KLRF2: variants seen among roughly 807,000 people sequenced by gnomAD.
KLRF2 encodes the protein killer cell lectin like receptor F2, also known as killer cell lectin-like receptor subfamily F member 2.
In KLRF2, 28 loss-of-function variants were observed where a neutral mutation model predicts 25.3. That is an observed-to-expected ratio of 1.11 (90% CI 0.82 to 1.52). The LOEUF is 1.52. KLRF2 is among the 40% of genes most tolerant of loss of function. KLRF2 has a pLI of 0.00. For synonymous variants in KLRF2, 73 were observed against 85.0 expected (o/e 0.86, Z 0.78); for missense variants, 265 against 245.8 (o/e 1.08, Z -0.52).
intron 3 of KLRF2, among the ~76,000 whole-genome samples, chr12:9,891,790 T>C (rs1862678887): frequency 6.6e-6 from 1 of 152,204 alleles, no homozygotes; most frequent in Non-Finnish European, 1.5e-5. Context: ...AATAACCTTC[T>C]TCAAATTATA....
At chr12:9,892,265 C>G (rs1862685225) in intron 3 of KLRF2, among the ~76,000 whole-genome samples, 2 of 152,052 alleles carry the variant, frequency 1.3e-5, no homozygotes, top group African/African-American at 4.8e-5. Flanking sequence ...ACTAAGGGAA[C>G]AGTATGAACG....
At chr12:9,888,584 G>T in intron 2 of KLRF2, 149 bp from the exon 3 acceptor site, 2 of 476,330 alleles carry the variant, frequency 4.2e-6, no homozygotes, top group South Asian at 8.9e-5. Flanking sequence ...GTTAAATCTG[G>T]GGAAGAAGAG....
At chr12:9,893,359 A>T in intron 4 of KLRF2, 70 bp from the exon 5 acceptor site, 1 of 840,288 alleles carries the variant, frequency 1.2e-6, no homozygotes, top group Non-Finnish European at 1.8e-6. Flanking sequence ...CGGCACAGAG[A>T]CTTACACTAT....
At chr12:9,889,091 T>G (rs1862640805) in intron 3 of KLRF2, among the ~76,000 whole-genome samples, 1 of 152,198 alleles carries the variant, frequency 6.6e-6, no homozygotes, top group South Asian at 2.1e-4. Flanking sequence ...AGGTGTGACA[T>G]GTAATGGCTG....
At chr12:9,888,177 G>A (rs1026628279) in intron 2 of KLRF2, among the ~76,000 whole-genome samples, 10 of 150,658 alleles carry the variant, frequency 6.6e-5, no homozygotes, top group African/African-American at 2.4e-4. Context: ...CATACATGAA[G>A]TCTAAGATCT....
intron 3 of KLRF2, among the ~76,000 whole-genome samples, chr12:9,890,744 G>A (rs775806257): frequency 2.6e-5 from 4 of 152,128 alleles, no homozygotes; most frequent in Non-Finnish European, 4.4e-5. Context: ...TCATCTTGCT[G>A]TCTAACATAA....
chr12:9,892,920 G>A lies in KLRF2; in HGVS notation c.218-100G>A. 7 of 1,035,640 alleles carry A rather than the reference G, an allele frequency of 6.8e-6. No individual in the cohort carries two copies. The South Asian group carries it at 1.1e-4, about 16-fold the overall frequency. 64.2% of individuals were successfully genotyped at this position (1,035,640 alleles called of 1,614,324 possible). On this transcript the variant is annotated intron_variant, in intron 3 of 5. Transcript: ENST00000535540. The stretch of plus-strand genomic sequence containing the variant: ...TTATTGACCAAAAAAAAAAAAATGA[G>A]TTGGAAAAATCTATTTTCCAAGTAG...
rs564457920 is a variant in KLRF2, at chr12:9,889,646, A to G, written c.217+866A>G. Among the ~76,000 whole-genome samples, 1,002 of 140,694 alleles carry G rather than the reference A, an allele frequency of 7.1e-3. 13 individuals carry two copies. The highest frequency in any genetic ancestry group is 0.029 in the African/African-American group (959 of 33,308). 92.3% of individuals were successfully genotyped at this position (140,694 alleles called of 152,430 possible). The stretch of plus-strand genomic sequence containing the variant: ...AATCTCTCTCTATATGTGTATATAT[A>G]TGTGTGTGTGTGTGTATATATATGT... On this transcript the variant is annotated intron_variant, in intron 3 of 5. Transcript: ENST00000535540.
At chr12:9,884,823 A>T in intron 1 of KLRF2, 111 bp from the exon 2 acceptor site, 1 of 392,708 alleles carries the variant, frequency 2.5e-6, no homozygotes, top group Non-Finnish European at 4.5e-6. Flanking sequence ...TTTAATCATA[A>T]ATTCTAATGA....
chr12:9,894,150 C>CTCTG (rs774385146), intron 5 of KLRF2, among the ~76,000 whole-genome samples: 1 of 147,640 alleles, frequency 6.8e-6, no homozygotes, highest in Non-Finnish European at 1.5e-5. Flanking sequence ...CTCTCTCTCT[C>CTCTG]TCTCCCTCCC....
chr12:9,886,151 G>A (rs1169607660), intron 2 of KLRF2, among the ~76,000 whole-genome samples: 1 of 152,076 alleles, frequency 6.6e-6, no homozygotes, highest in Non-Finnish European at 1.5e-5. Flanking sequence ...TGAATTACTA[G>A]TAGTAAAAAT....
intron 3 of KLRF2, 97 bp from the exon 4 acceptor site, chr12:9,892,923 G>T: frequency 5.7e-6 from 6 of 1,050,420 alleles, no homozygotes; most frequent in Non-Finnish European, 7.9e-6. Flanking sequence ...AAAATGAGTT[G>T]GAAAAATCTA....
chr12:9,893,617 T>C lies in KLRF2; in HGVS notation c.479+76T>C, dbSNP rs1862714096. The C allele has an allele frequency of 5.8e-6, 3 of 518,416 alleles. No homozygotes were observed. The East Asian group carries it at 9.9e-5, about 17-fold the overall frequency. The allele number at this position is 518,416 out of a possible 1,614,324, so 32.1% of individuals were successfully genotyped here. A position where few individuals can be genotyped will look rare whatever the true frequency, so the allele number is the denominator to read the frequency against. On this transcript the variant is annotated intron_variant, in intron 5 of 5. Transcript: ENST00000535540. ...TATATTAAACTTCTTCACTTTCCAT[T>C]CTTTTTTCCTTCTTTCTCTGTTTTC...
intron 3 of KLRF2, among the ~76,000 whole-genome samples, chr12:9,892,310 T>C (rs527683842): frequency 1.3e-5 from 2 of 152,260 alleles, no homozygotes; most frequent in Admixed American, 1.3e-4. Flanking sequence ...AATGCATCAG[T>C]AATAGTAAGT....
rs74614163 is a variant in KLRF2 at position 9,881,638 on chromosome 12, C to G, written c.43C>G (p.Arg15Gly). Residue 15 changes from arginine to glycine, a missense_variant, in exon 1 of 6, where the codon CGT (arginine) becomes GGT (glycine). Transcript: ENST00000535540. ...GTATATGACGCTGAGTTTCAAGAAT[C>G]GTTGTAAATCGAAGCAGAAATCTAA... ...DGYMTLSFKN[R>G]CKSKQKSKDF... The G allele has an allele frequency of 6.5e-7, 1 of 1,535,314 alleles. No individual in the cohort carries two copies. Among genetic ancestry groups the G allele is most frequent in the Non-Finnish European group, 8.7e-7 (1 of 1,146,320 alleles).
Position 9,888,727 on chromosome 12 carries a change from G to A in KLRF2, c.170-6G>A. On this transcript the variant is annotated splice_polypyrimidine_tract_variant and splice_region_variant and intron_variant, in intron 2 of 5. Transcript: ENST00000535540. ...TTCTCATATCTTTTCTTTGCACTGA[G>A]TACAGATAAAAAAATGGATTTCTCC... is the stretch of plus-strand genomic sequence containing the variant. The A allele has an allele frequency of 1.4e-6, 2 of 1,466,884 alleles. No individual in the cohort carries two copies. The highest frequency in any genetic ancestry group is 1.8e-6 in the Non-Finnish European group (2 of 1,084,366). The allele number at this position is 1,466,884 out of a possible 1,614,324, so 90.9% of individuals were successfully genotyped here.
intron 1 of KLRF2, among the ~76,000 whole-genome samples, 185 bp downstream of exon 1, chr12:9,881,850 A>C (rs765466781): frequency 6.6e-6 from 1 of 152,182 alleles, no homozygotes; most frequent in Non-Finnish European, 1.5e-5. Context: ...GCATTTTCAG[A>C]GCCATGAGGT....
chr12:9,886,721 C>T (rs1862601487), intron 2 of KLRF2, among the ~76,000 whole-genome samples: 1 of 141,260 alleles, frequency 7.1e-6, no homozygotes, highest in Non-Finnish European at 1.5e-5. Flanking sequence ...TCTTGTCAAT[C>T]TGTCGGTCTA....
At chr12:9,892,722 T>C (rs989671887) in intron 3 of KLRF2, among the ~76,000 whole-genome samples, 3 of 151,748 alleles carry the variant, frequency 2.0e-5, no homozygotes, top group Admixed American at 6.6e-5. Flanking sequence ...GTAGCTGGGA[T>C]TACAGGCATG....
Sources: gnomAD v4.1 joint callset for allele counts (sites outside exome capture counted in the v4.1 genomes callset) on GRCh38, gnomAD v4.1.1 for gene constraint, MANE v1.5 for transcripts, NCBI Gene and HGNC (gene_info 2026-07-23, HGNC 2026-07-21) for gene names.